The following GPR89A variants were observed in gnomAD, a reference collection of about 807,000 sequenced individuals.
GPR89A encodes G protein-coupled receptor 89A.
Under a neutral mutation model 52.0 loss-of-function variants are expected in GPR89A, and 16 were observed. That is an observed-to-expected ratio of 0.31 (90% CI 0.21 to 0.47). The LOEUF (loss-of-function observed/expected upper bound fraction) is 0.47. Among genes scored for constraint, GPR89A ranks in the 20% least tolerant of loss-of-function variants. GPR89A has a pLI of 1.00. For synonymous variants in GPR89A, 55 were observed against 150.9 expected, an observed-to-expected ratio of 0.36 and a Z score of 4.66; for missense variants, 135 against 449.4, an observed-to-expected ratio of 0.30 and a Z score of 6.33.
rs773907483 is a variant in GPR89A at position 145,646,172 on chromosome 1, A to G, written c.728-12A>G. 1.2e-6 allele frequency: 2 copies of G among 1,613,246 alleles called. No individual in the cohort carries two copies. Among genetic ancestry groups the G allele is most frequent in the Non-Finnish European group, 1.7e-6 (2 of 1,179,268 alleles). ...CTATGTGATTAAAACCTTGATGCCC[A>G]TTCTGTGCCAGATCTTACTCTTATT... is the stretch of plus-strand genomic sequence containing the variant. On this transcript the variant is annotated splice_polypyrimidine_tract_variant and intron_variant, in intron 8 of 13. Transcript: ENST00000313835.
At chr1:145,660,989 A>G (rs1420476839) in intron 10 of GPR89A, among the ~76,000 whole-genome samples, 1 of 152,092 alleles carries the variant, frequency 6.6e-6, no homozygotes, top group Non-Finnish European at 1.5e-5. Flanking sequence ...TCATGCTGCT[A>G]TAAAGACACA....
chr1:145,654,942 A>T (rs1372951843), intron 10 of GPR89A, among the ~76,000 whole-genome samples: 2 of 150,784 alleles, frequency 1.3e-5, no homozygotes, highest in African/African-American at 4.9e-5. Flanking sequence ...AATCAGCCGT[A>T]GGTTCGGTAT....
At chr1:145,615,244 C>T (rs1310986322) in intron 1 of GPR89A, among the ~76,000 whole-genome samples, 1 of 152,202 alleles carries the variant, frequency 6.6e-6, no homozygotes, top group Non-Finnish European at 1.5e-5. Flanking sequence ...TAAGAAAACT[C>T]TCTGAAGGAA....
intron 3 of GPR89A, among the ~76,000 whole-genome samples, chr1:145,619,318 A>AG (rs1553687628): frequency 0.033 from 4,807 of 147,116 alleles, 198 homozygotes; most frequent in African/African-American, 0.09. Flanking sequence ...AAAAAAAAAG[A>AG]AGAGAGAGGG....
At position 145,623,664 on chromosome 1, in the gene GPR89A, A is replaced by G. The variant is rs1279823089; in HGVS notation, c.365A>G (p.Tyr122Cys). 1.9e-6 allele frequency: 3 copies of G among 1,578,484 alleles called. No individual in the cohort carries two copies. The highest frequency in any genetic ancestry group is 4.1e-5 in the Admixed American group (2 of 48,640). ...TGTCTCTTATGGCTGACCTTTATGT[A>G]TTTCTTCTGGAAACTAGGAGATCCC... ...FSCLLWLTFMYFFWKLGDPFP... is the reference protein window; with the variant it reads ...FSCLLWLTFMCFFWKLGDPFP... Residue 122 changes from tyrosine (Y) to cysteine (C), a missense_variant, in exon 5 of 14, where the codon TAT becomes TGT. Coordinates refer to ENST00000313835, the MANE Select transcript of GPR89A (RefSeq NM_001097612.2).
chr1:145,652,254 CAT>C (rs1651496861), intron 10 of GPR89A, among the ~76,000 whole-genome samples: 2 of 151,354 alleles, frequency 1.3e-5, no homozygotes, highest in African/African-American at 4.9e-5. Context: ...TTGAGATAAT[CAT>C]GTGGTTTTTG....
rs1553685286 is a variant in GPR89A, at chr1:145,608,151, C to T, written c.18C>T (p.Asp6=). Residue 6 remains aspartate, a synonymous_variant, in exon 1 of 14, where the codon GAC becomes GAT. Transcript: ENST00000313835. ...ACTTCGCCATGAGTTTCCTCATCGA[C>T]TCCAGCATCATGATTACCTCCCAGG... MSFLI[D]SSIMITSQIL... 1.2e-6 allele frequency: 2 copies of T among 1,613,686 alleles called. No homozygotes were observed. Among genetic ancestry groups the T allele is most frequent in the East Asian group, 4.5e-5 (2 of 44,882 alleles).
intron 5 of GPR89A, among the ~76,000 whole-genome samples, chr1:145,625,191 T>C (rs1649409743): frequency 6.6e-6 from 1 of 151,866 alleles, no homozygotes; most frequent in African/African-American, 2.4e-5. Context: ...ACTTTCAAAA[T>C]TTCAAATAAC....
chr1:145,608,093 G>T lies in GPR89A; in HGVS notation c.-41G>T. 3.1e-6 allele frequency: 5 copies of T among 1,613,078 alleles called. No individual in the cohort carries two copies. The highest frequency in any genetic ancestry group is 4.2e-6 in the Non-Finnish European group (5 of 1,179,352). ...TGGCCCCAGCGTGCTGTGGCCTCGGGGAGTGGGAAGTGGAGGCAGGAGCCT... is the reference window on the plus strand; with the variant it reads ...TGGCCCCAGCGTGCTGTGGCCTCGGTGAGTGGGAAGTGGAGGCAGGAGCCT... On this transcript the variant is annotated 5_prime_UTR_variant, in exon 1 of 14. Transcript: ENST00000313835.
chr1:145,625,187 A>C (rs1480692263), intron 5 of GPR89A, among the ~76,000 whole-genome samples: 19 of 152,068 alleles, frequency 1.2e-4, no homozygotes, highest in African/African-American at 4.6e-4. Context: ...AATAACTTTC[A>C]AAATTTCAAA....
chr1:145,652,744 T>A (rs587738401), intron 10 of GPR89A, among the ~76,000 whole-genome samples: 353 of 128,266 alleles, frequency 2.8e-3, no homozygotes, highest in Non-Finnish European at 3.8e-3. Context: ...CAAGAATTTA[T>A]CCATTTCTTC....
chr1:145,621,908 C>CAA lies in GPR89A; in HGVS notation c.207-1137_207-1136dup, dbSNP rs587599363. ...TCACACCAACTAAAATGGCTATAAC[C>CAA]AAAAAAAAAACAGAAAATAACAAGT... On this transcript the variant is annotated intron_variant, in intron 3 of 13. Coordinates refer to ENST00000313835, the MANE Select transcript of GPR89A (RefSeq NM_001097612.2). Among the ~76,000 whole-genome samples the CAA allele has an allele frequency of 6.3e-3, 866 of 137,648 alleles. 7 individuals are homozygous for CAA. The highest frequency in any genetic ancestry group is 0.018 in the African/African-American group (674 of 37,384). The allele number at this position is 137,648 out of a possible 152,430, so 90.3% of individuals were successfully genotyped here. A position where few individuals can be genotyped will look rare whatever the true frequency, so the allele number is the denominator to read the frequency against.
chr1:145,626,323 G>A (rs587597771), intron 5 of GPR89A, among the ~76,000 whole-genome samples: 1 of 152,116 alleles, frequency 6.6e-6, no homozygotes, highest in Non-Finnish European at 1.5e-5. Context: ...GACCAGTGCA[G>A]CCAGGCCGCA....
chr1:145,635,488 A>G (rs1650172997), intron 7 of GPR89A, among the ~76,000 whole-genome samples: 1 of 152,160 alleles, frequency 6.6e-6, no homozygotes, highest in African/African-American at 2.4e-5. Context: ...TTACTAGGCT[A>G]TTGAAGGTAG....
intron 10 of GPR89A, among the ~76,000 whole-genome samples, chr1:145,649,837 C>T (rs1180215242): frequency 6.6e-6 from 1 of 151,880 alleles, no homozygotes. Context: ...TAATATTAGA[C>T]ATTCTAATAG....
At chr1:145,667,554 G>T (rs1473582098) in intron 12 of GPR89A, among the ~76,000 whole-genome samples, 1 of 152,102 alleles carries the variant, frequency 6.6e-6, no homozygotes, top group African/African-American at 2.4e-5. Context: ...TTCTTTTGCT[G>T]TGCAGAAGCT....
intron 3 of GPR89A, among the ~76,000 whole-genome samples, chr1:145,621,092 G>T (rs1553688050): frequency 6.6e-6 from 1 of 151,806 alleles, no homozygotes; most frequent in African/African-American, 2.4e-5. Context: ...CTCCCTGTAG[G>T]GTAGCTTTTA....
chr1:145,646,064 A>T, intron 8 of GPR89A, 120 bp from the exon 9 acceptor site: 1 of 1,494,886 alleles, frequency 6.7e-7, no homozygotes, highest in Non-Finnish European at 9.3e-7. Context: ...ATGAAACAGG[A>T]AATTGAGAAT....
chr1:145,625,085 T>C (rs1265074833), intron 5 of GPR89A, among the ~76,000 whole-genome samples: 1 of 148,222 alleles, frequency 6.7e-6, no homozygotes, highest in African/African-American at 2.4e-5. Flanking sequence ...GGGAGAGAGG[T>C]TATGAGACTC....
Sources: allele counts gnomAD v4.1 joint callset (sites outside exome capture counted in the v4.1 genomes callset), GRCh38; gene constraint gnomAD v4.1.1; transcripts MANE v1.5; gene names NCBI Gene and HGNC (gene_info 2026-07-23, HGNC 2026-07-21).